ZGRF1: variants seen among roughly 807,000 people sequenced by gnomAD.
The protein encoded by ZGRF1 is 5'-3' DNA helicase ZGRF1.
A neutral mutation model predicts 203.5 loss-of-function variants in ZGRF1; 196 were observed. The observed-to-expected ratio is 0.96, with a 90% CI of 0.86 to 1.08. The LOEUF (loss-of-function observed/expected upper bound fraction) is 1.08, where lower values mean the gene tolerates loss of function less well. Ranked by LOEUF, ZGRF1 falls within the 50% of genes least tolerant of loss-of-function variation. The pLI is 0.00. For missense variants in ZGRF1, 2,326 were observed against 2,416.3 expected (o/e 0.96, Z 0.78); for synonymous variants, 809 against 841.3 (o/e 0.96, Z 0.66).
intron 10 of ZGRF1, among the ~76,000 whole-genome samples, chr4:112,597,870 C>T (rs866743729): frequency 4.1e-5 from 6 of 148,106 alleles, no homozygotes; most frequent in Admixed American, 6.8e-5. Context: ...GGTGACAGAG[C>T]CAGACTGTCT....
At chr4:112,600,588 G>A (rs1749793889) in intron 10 of ZGRF1, among the ~76,000 whole-genome samples, 1 of 152,068 alleles carries the variant, frequency 6.6e-6, no homozygotes, top group South Asian at 2.1e-4. Context: ...CTACTTGGGA[G>A]GCTGACGCAG....
At position 112,587,395 on chromosome 4, in the gene ZGRF1, G is replaced by A. The variant is rs376820149; in HGVS notation, c.3662C>T (p.Ser1221Leu). Residue 1221 changes from serine (S) to leucine (L), a missense_variant, in exon 12 of 28, where the codon TCG becomes TTG. Coordinates refer to ENST00000505019, the MANE Select transcript of ZGRF1 (RefSeq NM_018392.5). ...AGAAAGTACTTTCTTTCTGGAAACC[G>A]AATCTTGACTGCTAAAATCCTGCCG... ...QQRQDFSSQD[S>L]VSRKKVLSLN... The A allele has an allele frequency of 2.1e-4, 333 of 1,613,714 alleles. No individual in the cohort carries two copies. Among genetic ancestry groups the A allele is most frequent in the Non-Finnish European group, 2.5e-4 (299 of 1,179,852 alleles).
intron 6 of ZGRF1, among the ~76,000 whole-genome samples, chr4:112,613,283 C>T (rs929517241): frequency 6.6e-6 from 1 of 152,014 alleles, no homozygotes; most frequent in African/African-American, 2.4e-5. Context: ...GAGAGTGAGA[C>T]CATGTCTCAA....
At chr4:112,555,257 GT>G (rs1457948833) in intron 20 of ZGRF1, among the ~76,000 whole-genome samples, 2 of 152,124 alleles carry the variant, frequency 1.3e-5, no homozygotes, top group Non-Finnish European at 2.9e-5. Flanking sequence ...ACATCCAAAG[GT>G]TATGACCTTT....
intron 10 of ZGRF1, among the ~76,000 whole-genome samples, chr4:112,595,538 C>A (rs1021434926): frequency 6.6e-6 from 1 of 151,940 alleles, no homozygotes; most frequent in Admixed American, 6.6e-5. Flanking sequence ...ATAGTGAGAG[C>A]CAGTCTCTAC....
At position 112,603,657 on chromosome 4, in the gene ZGRF1, G is replaced by GT. The variant is rs772273996; in HGVS notation, c.2842dup (p.Thr948AsnfsTer2). 1.9e-6 allele frequency: 3 copies of GT among 1,613,892 alleles called. No homozygotes were observed. Among genetic ancestry groups the GT allele is most frequent in the Non-Finnish European group, 1.7e-6 (2 of 1,179,906 alleles). The stretch of plus-strand genomic sequence containing the variant: ...GTGTCCTCTGACCATTACACCACTA[G>GT]TAGCTGATCCTTTTACTTGATGTCC... On this transcript the variant is annotated frameshift_variant, in exon 10 of 28. Transcript: ENST00000505019. LOFTEE classifies it high-confidence loss of function.
intron 6 of ZGRF1, among the ~76,000 whole-genome samples, chr4:112,613,798 T>C (rs1351798041): frequency 6.6e-6 from 1 of 152,178 alleles, no homozygotes; most frequent in African/African-American, 2.4e-5. Context: ...TAAAAAAAAG[T>C]ACATATTCAA....
intron 10 of ZGRF1, among the ~76,000 whole-genome samples, chr4:112,600,395 T>TA (rs900850401): frequency 1.3e-5 from 2 of 152,016 alleles, no homozygotes; most frequent in African/African-American, 2.4e-5. Flanking sequence ...TAAATTACAT[T>TA]AAAAATGATA....
chr4:112,539,403 GA>G lies in ZGRF1; in HGVS notation c.*143del. The G allele has an allele frequency of 2.0e-6, 1 of 491,290 alleles. No homozygotes were observed. Among genetic ancestry groups the G allele is most frequent in the Non-Finnish European group, 3.4e-6 (1 of 296,546 alleles). The allele number at this position is 491,290 out of a possible 1,614,324, so 30.4% of individuals were successfully genotyped here. A position where few individuals can be genotyped will look rare whatever the true frequency, so the allele number is the denominator to read the frequency against. ...ACTACCTTTTGTACACTTTTTTGAAGAACAAAATTTTTACATGTGTTTACTA... is the reference window on the plus strand; with the variant it reads ...ACTACCTTTTGTACACTTTTTTGAAGACAAAATTTTTACATGTGTTTACTA... On this transcript the variant is annotated 3_prime_UTR_variant, in exon 28 of 28. Coordinates refer to ENST00000505019, the MANE Select transcript of ZGRF1 (RefSeq NM_018392.5).
chr4:112,623,323 T>C (rs945027720), intron 4 of ZGRF1, among the ~76,000 whole-genome samples: 16 of 152,226 alleles, frequency 1.1e-4, no homozygotes, highest in Admixed American at 3.3e-4. Flanking sequence ...AACATACACA[T>C]ACATGTGTCT....
Position 112,609,041 on chromosome 4 carries a change from C to T in ZGRF1, c.2718+338G>A, listed in dbSNP as rs115457513. On this transcript the variant is annotated intron_variant, in intron 8 of 27. Transcript: ENST00000505019. ...AAATTACATGCCATACCTCTATATACAAATATAATTGGCTAATTTTTTTTT... is the reference window on the plus strand; with the variant it reads ...AAATTACATGCCATACCTCTATATATAAATATAATTGGCTAATTTTTTTTT... Among the ~76,000 whole-genome samples, 1,083 of 151,860 alleles carry T rather than the reference C, an allele frequency of 7.1e-3. 32 individuals carry two copies. The East Asian group carries it at 0.093, about 13-fold the overall frequency.
At chr4:112,548,772 C>T (rs528525875) in intron 22 of ZGRF1, among the ~76,000 whole-genome samples, 3 of 151,668 alleles carry the variant, frequency 2.0e-5, no homozygotes, top group East Asian at 3.9e-4. Context: ...AATATGCTAA[C>T]GAAATATTCT....
intron 22 of ZGRF1, 69 bp from the exon 23 acceptor site, chr4:112,548,449 G>T: frequency 7.9e-7 from 1 of 1,261,842 alleles, no homozygotes; most frequent in Admixed American, 2.4e-5. Flanking sequence ...ATTTACCAAA[G>T]AACTTGTAGG....
chr4:112,620,042 G>C lies in ZGRF1; in HGVS notation c.311C>G (p.Ser104Cys). ...NSRTFISSGRSLGCQPSGLKR... is the reference protein window; with the variant it reads ...NSRTFISSGRCLGCQPSGLKR... Reference sequence around the variant, plus strand: ...TAAGCCAGAGGGCTGACATCCAAGAGATCGGCCAGAGGATATAAATGTCCT... The same window carrying C: ...TAAGCCAGAGGGCTGACATCCAAGACATCGGCCAGAGGATATAAATGTCCT... Residue 104 changes from serine to cysteine, a missense_variant, in exon 5 of 28, where the codon TCT (serine) becomes TGT (cysteine). Physicochemically the swap from Ser to Cys is moderately radical, Grantham distance 112. Coordinates refer to ENST00000505019, the MANE Select transcript of ZGRF1 (RefSeq NM_018392.5). 3.1e-6 allele frequency: 5 copies of C among 1,606,394 alleles called. No individual in the cohort carries two copies. Among genetic ancestry groups the C allele is most frequent in the Non-Finnish European group, 4.2e-6 (5 of 1,177,226 alleles).
chr4:112,633,016 T>C, intron 2 of ZGRF1, 140 bp downstream of exon 2: 1 of 755,078 alleles, frequency 1.3e-6, no homozygotes, highest in Non-Finnish European at 2.3e-6. Flanking sequence ...TTATTTGAAA[T>C]TCAAATTTAA....
At chr4:112,627,803 T>C (rs911486270) in intron 3 of ZGRF1, among the ~76,000 whole-genome samples, 7 of 152,214 alleles carry the variant, frequency 4.6e-5, no homozygotes, top group African/African-American at 1.7e-4. Flanking sequence ...AATTCTTCAT[T>C]AGCTCCTGGG....
chr4:112,622,775 CTT>C (rs1484838557), intron 4 of ZGRF1, among the ~76,000 whole-genome samples: 2 of 151,998 alleles, frequency 1.3e-5, no homozygotes, highest in Non-Finnish European at 2.9e-5. Context: ...GCTTTTTCCT[CTT>C]TGAGAGGAAA....
intron 10 of ZGRF1, 105 bp from the exon 11 acceptor site, chr4:112,589,979 C>A: frequency 2.4e-5 from 20 of 817,036 alleles, no homozygotes; most frequent in Non-Finnish European, 3.6e-5. Context: ...TGATTTAAAG[C>A]ACATTATGTA....
At chr4:112,561,911 C>T (rs867436567) in intron 18 of ZGRF1, among the ~76,000 whole-genome samples, 31 of 108,168 alleles carry the variant, frequency 2.9e-4, no homozygotes, top group East Asian at 8.9e-4. Flanking sequence ...TTCCTTTTCT[C>T]TTTTTTTTTT....
Sources: allele counts gnomAD v4.1 joint callset (sites outside exome capture counted in the v4.1 genomes callset), GRCh38; gene constraint gnomAD v4.1.1; transcripts MANE v1.5; gene names NCBI Gene and HGNC (gene_info 2026-07-23, HGNC 2026-07-21).